Variants in COL5A2 observed in about 807,000 individuals in gnomAD.
The protein encoded by COL5A2 is collagen type V alpha 2 chain, also known as collagen alpha-2(V) chain.
A neutral mutation model predicts 208.2 loss-of-function variants in COL5A2; 23 were observed. That is an observed-to-expected ratio of 0.11 (90% CI 0.08 to 0.16). The LOEUF is 0.16. COL5A2 is among the 10% of genes least tolerant of loss of function. The pLI, the probability that COL5A2 is intolerant of heterozygous loss-of-function variation, is 1.00. For missense variants in COL5A2, 1,590 were observed against 1,956.4 expected, an observed-to-expected ratio of 0.81 and a Z score of 3.53; for synonymous variants, 625 against 628.5, an observed-to-expected ratio of 0.99 and a Z score of 0.08.
chr2:189,303,150 G>A, the COL5A2 span, among the ~76,000 whole-genome samples: 4 of 152,116 alleles, frequency 2.6e-5, no homozygotes, highest in Non-Finnish European at 5.9e-5. Flanking sequence ...TAGTTGAGAT[G>A]GAAAGGACAT....
At chr2:189,094,879 G>A (rs563768025) in intron 6 of COL5A2, among the ~76,000 whole-genome samples, 61 of 151,042 alleles carry the variant, frequency 4.0e-4, no homozygotes, top group African/African-American at 1.5e-3. Flanking sequence ...AGGTCTTGTA[G>A]GAGTATCTCA....
intron 16 of COL5A2, among the ~76,000 whole-genome samples, chr2:189,077,178 A>C (rs1369443442): frequency 1.3e-5 from 2 of 152,156 alleles, no homozygotes; most frequent in Non-Finnish European, 2.9e-5. Context: ...CTCTTGTTGA[A>C]GATGATACCT....
rs959122395 is a variant in COL5A2 at position 189,080,111 on chromosome 2, C to T, written c.907-80G>A. ...GGCATAAGAACCAAAAATAAGCTTG[C>T]AGAAATTGCCTTATAAAAATGAATA... On this transcript the variant is annotated intron_variant, in intron 13 of 53. Transcript: ENST00000374866. The T allele has an allele frequency of 2.4e-5, 25 of 1,021,558 alleles. No homozygotes were observed. The Admixed American group carries it at 4.5e-4, about 18-fold the overall frequency. The allele number at this position is 1,021,558 out of a possible 1,614,324, so 63.3% of individuals were successfully genotyped here. A position where few individuals can be genotyped will look rare whatever the true frequency, so the allele number is the denominator to read the frequency against.
chr2:189,195,206 C>A (rs751278962), intron 1 of COL5A2, among the ~76,000 whole-genome samples: 1 of 152,142 alleles, frequency 6.6e-6, no homozygotes, highest in Non-Finnish European at 1.5e-5. Flanking sequence ...TGAATGAACT[C>A]CCATTCACAA....
chr2:189,296,656 A>C, the COL5A2 span, among the ~76,000 whole-genome samples: 6 of 152,148 alleles, frequency 3.9e-5, no homozygotes, highest in Non-Finnish European at 7.4e-5. Flanking sequence ...TATTCCTGGG[A>C]TATAGTTATT....
At chr2:189,336,621 C>A in the COL5A2 span, among the ~76,000 whole-genome samples, 4 of 152,166 alleles carry the variant, frequency 2.6e-5, no homozygotes, top group African/African-American at 9.7e-5. Flanking sequence ...CCCAAAAGAA[C>A]AGATACTGTA....
chr2:189,073,264 C>T (rs1686323580), intron 17 of COL5A2, among the ~76,000 whole-genome samples: 1 of 152,004 alleles, frequency 6.6e-6, no homozygotes, highest in Admixed American at 6.6e-5. Flanking sequence ...TAGAGCTTGA[C>T]TCAGTTTTTC....
chr2:189,435,090 T>C, the COL5A2 span, among the ~76,000 whole-genome samples: 2 of 152,194 alleles, frequency 1.3e-5, no homozygotes, highest in Non-Finnish European at 2.9e-5. Context: ...ATTCCCTATT[T>C]AATAAATGGT....
At chr2:189,391,050 A>G in the COL5A2 span, among the ~76,000 whole-genome samples, 2 of 152,208 alleles carry the variant, frequency 1.3e-5, no homozygotes, top group Non-Finnish European at 2.9e-5. Flanking sequence ...AGTTGGCTTA[A>G]AAGGTAAGTC....
the COL5A2 span, among the ~76,000 whole-genome samples, chr2:189,253,297 C>A: frequency 1.3e-5 from 2 of 152,178 alleles, no homozygotes; most frequent in Non-Finnish European, 2.9e-5. Flanking sequence ...ACCTGTCTTG[C>A]CCAATTACTA....
chr2:189,384,068 T>C, the COL5A2 span, among the ~76,000 whole-genome samples: 1 of 152,158 alleles, frequency 6.6e-6, no homozygotes, highest in Non-Finnish European at 1.5e-5. Flanking sequence ...TCCATTCATG[T>C]TTTTGCAAAT....
the COL5A2 span, among the ~76,000 whole-genome samples, chr2:189,396,674 A>T: frequency 1.4e-4 from 1 of 6,980 alleles, no homozygotes; most frequent in East Asian, 4.2e-3. Context: ...ACTCCATTAA[A>T]AAAAAAAAAA....
chr2:189,373,620 G>A, the COL5A2 span, among the ~76,000 whole-genome samples: 2 of 152,014 alleles, frequency 1.3e-5, no homozygotes, highest in African/African-American at 4.8e-5. Flanking sequence ...TTTCTATATA[G>A]CTGTAAATAA....
At chr2:189,298,860 C>T in the COL5A2 span, among the ~76,000 whole-genome samples, 1 of 152,124 alleles carries the variant, frequency 6.6e-6, no homozygotes, top group South Asian at 2.1e-4. Context: ...CTATTCATTT[C>T]ATATAAGTGA....
intron 44 of COL5A2, 34 bp downstream of exon 44, chr2:189,049,313 A>G (rs1576492968): frequency 7.0e-7 from 1 of 1,431,536 alleles, no homozygotes; most frequent in East Asian, 2.3e-5. Flanking sequence ...ACACCAGATA[A>G]CAAGAGAAGA....
chr2:189,285,081 T>TGTGTGTGTGG, the COL5A2 span, among the ~76,000 whole-genome samples: 1 of 151,312 alleles, frequency 6.6e-6, no homozygotes, highest in South Asian at 2.1e-4. Context: ...GGTGTGTGTG[T>TGTGTGTGTGG]GTGTGTGTGT....
intron 1 of COL5A2, among the ~76,000 whole-genome samples, chr2:189,187,750 C>G (rs1359162503): frequency 6.6e-6 from 1 of 152,014 alleles, no homozygotes; most frequent in Non-Finnish European, 1.5e-5. Flanking sequence ...GCGGGCAGAT[C>G]ACGAGTCAGG....
At chr2:189,359,260 T>C in the COL5A2 span, among the ~76,000 whole-genome samples, 3 of 152,154 alleles carry the variant, frequency 2.0e-5, no homozygotes, top group African/African-American at 4.8e-5. Context: ...TATATCTAAT[T>C]TGCTGAGAGT....
In COL5A2 at chr2:189,064,552, C is replaced by T. The variant is rs863223504; in HGVS notation, c.1716+5G>A. 2 of 1,610,414 alleles carry T rather than the reference C, an allele frequency of 1.2e-6. No homozygotes were observed. Among genetic ancestry groups the T allele is most frequent in the Non-Finnish European group, 1.7e-6 (2 of 1,176,820 alleles). On this transcript the variant is annotated splice_donor_5th_base_variant and intron_variant, in intron 25 of 53. Coordinates refer to ENST00000374866, the MANE Select transcript of COL5A2 (RefSeq NM_000393.5). ...TGATGTAGCAAACACTTGCTATATT[C>T]TTACCCGAGCACCTGGAAGCCCAGG... is the stretch of plus-strand genomic sequence containing the variant.
Sources: gnomAD v4.1 joint callset for allele counts (sites outside exome capture counted in the v4.1 genomes callset) on GRCh38, gnomAD v4.1.1 for gene constraint, MANE v1.5 for transcripts, NCBI Gene and HGNC (gene_info 2026-07-23, HGNC 2026-07-21) for gene names.